The following RNF115 variants were observed in gnomAD, a reference collection of about 807,000 sequenced individuals.
The protein encoded by RNF115 is ring finger protein 115.
Under a neutral mutation model 39.2 loss-of-function variants are expected in RNF115, and 31 were observed. The observed-to-expected ratio is 0.79, with a 90% CI of 0.59 to 1.07. RNF115 has a LOEUF of 1.07. Among genes scored for constraint, RNF115 ranks in the 50% least tolerant of loss-of-function variants. The pLI is 0.00. For missense variants in RNF115, 384 were observed against 381.7 expected (o/e 1.01, Z -0.05); for synonymous variants, 124 against 131.0 (o/e 0.95, Z 0.37).
intron 4 of RNF115, among the ~76,000 whole-genome samples, chr1:145,757,369 A>G (rs1342393301): frequency 6.6e-6 from 1 of 152,188 alleles, no homozygotes; most frequent in African/African-American, 2.4e-5. Flanking sequence ...GAAAAAGCCT[A>G]TTTAGAAGAG....
chr1:145,764,699 G>A (rs1161679533), intron 4 of RNF115, among the ~76,000 whole-genome samples: 6 of 151,780 alleles, frequency 4.0e-5, no homozygotes, highest in Admixed American at 3.3e-4. Flanking sequence ...ACTCGGTCCG[G>A]GAGGGAGGTG....
chr1:145,772,830 T>A (rs1285463405), intron 3 of RNF115: 1 of 152,160 alleles, frequency 6.6e-6, no homozygotes, highest in Non-Finnish European at 1.5e-5. Context: ...CCTTTCTCCC[T>A]CTCCTTACCA....
chr1:145,762,490 TACA>T (rs1239421157), intron 4 of RNF115, among the ~76,000 whole-genome samples: 2 of 152,282 alleles, frequency 1.3e-5, no homozygotes, highest in East Asian at 3.9e-4. Flanking sequence ...GAAAGATATA[TACA>T]ATCTATTAAG....
intron 1 of RNF115, among the ~76,000 whole-genome samples, chr1:145,814,223 G>T (rs1649875140): frequency 6.6e-6 from 1 of 151,952 alleles, no homozygotes; most frequent in Non-Finnish European, 1.5e-5. Flanking sequence ...TCATGCCACT[G>T]CACTCCAACC....
At chr1:145,778,687 C>T (rs1647988324) in intron 3 of RNF115, among the ~76,000 whole-genome samples, 1 of 152,172 alleles carries the variant, frequency 6.6e-6, no homozygotes, top group African/African-American at 2.4e-5. Context: ...CCTGCCCCTT[C>T]CCATCCCCAA....
chr1:145,822,003 A>C (rs1650269791), intron 1 of RNF115, among the ~76,000 whole-genome samples: 1 of 151,654 alleles, frequency 6.6e-6, no homozygotes. Context: ...AAAAAAACAT[A>C]AACACACAGC....
At position 145,765,119 on chromosome 1, in the gene RNF115, C is replaced by T. The variant is rs587676304; in HGVS notation, c.428+6592G>A. Among the ~76,000 whole-genome samples the T allele has an allele frequency of 6.5e-3, 983 of 152,300 alleles. 12 individuals carry two copies. The highest frequency in any genetic ancestry group is 0.014 in the Admixed American group (211 of 15,296). ...GGGATGCTGTTGATCTATGACCTTACCCCCAACCCTGTGCTCTCTGAAACA... is the reference window on the plus strand; with the variant it reads ...GGGATGCTGTTGATCTATGACCTTATCCCCAACCCTGTGCTCTCTGAAACA... On this transcript the variant is annotated intron_variant, in intron 4 of 8. Coordinates refer to ENST00000582693, the MANE Select transcript of RNF115 (RefSeq NM_014455.4).
At chr1:145,823,061 TAA>T (rs1360279164) in intron 1 of RNF115, among the ~76,000 whole-genome samples, 1 of 79,464 alleles carries the variant, frequency 1.3e-5, no homozygotes, top group African/African-American at 3.7e-5. Flanking sequence ...ACAATGATAT[TAA>T]AGACACTGGC....
chr1:145,758,570 C>T (rs1228141021), intron 4 of RNF115, among the ~76,000 whole-genome samples: 3 of 152,156 alleles, frequency 2.0e-5, no homozygotes, highest in South Asian at 4.1e-4. Context: ...AATATATACC[C>T]ACCTATTTGT....
intron 1 of RNF115, among the ~76,000 whole-genome samples, chr1:145,813,629 T>C (rs1470226056): frequency 2.0e-5 from 3 of 152,154 alleles, no homozygotes; most frequent in African/African-American, 4.8e-5. Context: ...TATAATGGAA[T>C]TGCAGCCACT....
At chr1:145,756,140 G>A (rs1458545688) in intron 4 of RNF115, among the ~76,000 whole-genome samples, 1 of 152,028 alleles carries the variant, frequency 6.6e-6, no homozygotes, top group African/African-American at 2.4e-5. Flanking sequence ...TGAAGCCAAG[G>A]ATCAGACTAT....
intron 8 of RNF115, 100 bp downstream of exon 8, chr1:145,747,895 T>C (rs1037894542): frequency 1.1e-5 from 9 of 848,484 alleles, no homozygotes; most frequent in Middle Eastern, 2.3e-4. Context: ...AAGCCAGGGA[T>C]TTATGGGATA....
chr1:145,754,324 A>C (rs1658214887), intron 4 of RNF115, among the ~76,000 whole-genome samples: 1 of 150,550 alleles, frequency 6.6e-6, no homozygotes. Flanking sequence ...CTCTCTCAGC[A>C]ATTTTCAGAT....
rs868973520 is a variant in RNF115 at position 145,742,707 on chromosome 1, T to G, written c.*4159A>C. ...ATATAAATATCTCTATTTACACATA[T>G]ATACATATATAAAAATGTGCAATAC... On this transcript the variant is annotated 3_prime_UTR_variant, in exon 9 of 9. Coordinates refer to ENST00000582693, the MANE Select transcript of RNF115 (RefSeq NM_014455.4). The G allele has an allele frequency of 1.3e-5, 2 of 152,346 alleles. No individual in the cohort carries two copies. The highest frequency in any genetic ancestry group is 6.8e-3 in the Middle Eastern group (2 of 294). The allele number at this position is 152,346 out of a possible 1,614,324, so 9.4% of individuals were successfully genotyped here.
intron 1 of RNF115, among the ~76,000 whole-genome samples, chr1:145,814,389 C>T (rs1353970360): frequency 2.0e-5 from 3 of 152,068 alleles, no homozygotes; most frequent in African/African-American, 7.2e-5. Flanking sequence ...GAGATCCAAC[C>T]TGGCCAACAT....
chr1:145,782,323 A>G (rs1648185444), intron 3 of RNF115, among the ~76,000 whole-genome samples: 1 of 152,138 alleles, frequency 6.6e-6, no homozygotes, highest in Non-Finnish European at 1.5e-5. Flanking sequence ...TGTATGAAAC[A>G]TTCAGTATAT....
intron 5 of RNF115, among the ~76,000 whole-genome samples, chr1:145,752,453 A>G (rs151115224): frequency 2.4e-3 from 370 of 152,128 alleles, no homozygotes; most frequent in African/African-American, 8.4e-3. Flanking sequence ...GCACCCAAAC[A>G]TCCTGGGGGA....
chr1:145,756,426 C>T (rs1658295861), intron 4 of RNF115, among the ~76,000 whole-genome samples: 1 of 151,866 alleles, frequency 6.6e-6, no homozygotes, highest in Non-Finnish European at 1.5e-5. Flanking sequence ...CACCACTGCA[C>T]TCCAGCCTGG....
intron 1 of RNF115, among the ~76,000 whole-genome samples, chr1:145,814,198 C>T (rs1393308081): frequency 7.3e-5 from 11 of 151,558 alleles, no homozygotes; most frequent in African/African-American, 2.4e-4. Context: ...AGGTGGAAGC[C>T]GCAGTGAGCC....
Sources: gnomAD v4.1 joint callset for allele counts (sites outside exome capture counted in the v4.1 genomes callset) on GRCh38, gnomAD v4.1.1 for gene constraint, MANE v1.5 for transcripts, NCBI Gene and HGNC (gene_info 2026-07-23, HGNC 2026-07-21) for gene names.